Variants in ARHGAP6 observed in about 807,000 individuals in gnomAD.
The protein encoded by ARHGAP6 is rho GTPase-activating protein 6.
In ARHGAP6, 16 loss-of-function variants were observed where a neutral mutation model predicts 55.7. That is an observed-to-expected ratio of 0.29 (90% CI 0.19 to 0.44). ARHGAP6 has a LOEUF of 0.44. Ranked by LOEUF, ARHGAP6 falls within the 20% of genes least tolerant of loss-of-function variation. ARHGAP6 has a pLI of 1.00. For synonymous variants in ARHGAP6, 382 were observed against 360.9 expected (o/e 1.06, Z -0.66); for missense variants, 698 against 808.9 (o/e 0.86, Z 1.66).
At chrX:11,148,088 C>T (rs1284800715) in intron 10 of ARHGAP6, among the ~76,000 whole-genome samples, 1 of 111,514 alleles carries the variant, frequency 9.0e-6, no homozygotes, top group African/African-American at 3.3e-5. Context: ...TAGTGATTTT[C>T]CACAGGACAC....
At chrX:11,598,432 T>C (rs1474712804) in intron 1 of ARHGAP6, among the ~76,000 whole-genome samples, 1 of 112,240 alleles carries the variant, frequency 8.9e-6, no homozygotes, top group Non-Finnish European at 1.9e-5. Flanking sequence ...AGGCTTGCTA[T>C]GTGGGTATAT....
chrX:11,529,453 G>T (rs59161905), intron 1 of ARHGAP6, among the ~76,000 whole-genome samples: 2 of 111,610 alleles, frequency 1.8e-5, no homozygotes, highest in Non-Finnish European at 3.8e-5. Flanking sequence ...TAAAAATTAG[G>T]TTCAATAGAT....
At chrX:11,413,015 G>A (rs1302773560) in intron 1 of ARHGAP6, among the ~76,000 whole-genome samples, 1 of 112,258 alleles carries the variant, frequency 8.9e-6, no homozygotes, top group Non-Finnish European at 1.9e-5. Flanking sequence ...AGTCTAGGAT[G>A]CTGTGGCTCT....
intron 6 of ARHGAP6, among the ~76,000 whole-genome samples, chrX:11,180,489 C>T (rs183772392): frequency 1.1e-4 from 12 of 110,488 alleles, no homozygotes; most frequent in Admixed American, 4.9e-4. Flanking sequence ...AGCAGGTAAT[C>T]CCACAAATAA....
intron 1 of ARHGAP6, chrX:11,296,861 T>C (rs1603035101): frequency 1.7e-6 from 2 of 1,183,516 alleles, no homozygotes; most frequent in Non-Finnish European, 2.3e-6. Flanking sequence ...GACCATTGTT[T>C]GCGTTAACAA....
chrX:11,581,049 A>T (rs1226083293), intron 1 of ARHGAP6, among the ~76,000 whole-genome samples: 1 of 112,322 alleles, frequency 8.9e-6, no homozygotes, highest in Non-Finnish European at 1.9e-5. Context: ...ACAGCGATTA[A>T]TAGCTCAATA....
intron 1 of ARHGAP6, among the ~76,000 whole-genome samples, chrX:11,296,213 T>G (rs763630956): frequency 2.6e-4 from 29 of 112,479 alleles, no homozygotes; most frequent in African/African-American, 9.0e-4. Flanking sequence ...CTTCTTTTGT[T>G]GTATGGAAGT....
chrX:11,567,003 G>A (rs1472156642), intron 1 of ARHGAP6, among the ~76,000 whole-genome samples: 1 of 111,751 alleles, frequency 8.9e-6, no homozygotes, highest in Non-Finnish European at 1.9e-5. Context: ...AAATAACAAT[G>A]CCCACATCAT....
rs951058337 is a variant in ARHGAP6 at position 11,139,283 on chromosome X, G to A, written c.2505C>T (p.Ala835=). The A allele has an allele frequency of 1.3e-5, 15 of 1,188,627 alleles. No homozygotes were observed. Among genetic ancestry groups the A allele is most frequent in the Non-Finnish European group, 1.7e-5 (15 of 884,999 alleles). ...QVAGKAERPT[A]RSEQYLTLSG... ...TCAGGGTCAAGTACTGCTCCGACCT[G>A]GCCGTGGGCCGCTCGGCTTTCCCTG... The change falls in exon 13 of 13, where the codon GCC becomes GCT. Residue 835 remains alanine (A), a synonymous_variant. Coordinates refer to ENST00000337414, the MANE Select transcript of ARHGAP6 (RefSeq NM_013427.3).
At chrX:11,550,057 T>C (rs1026148025) in intron 1 of ARHGAP6, among the ~76,000 whole-genome samples, 1 of 112,046 alleles carries the variant, frequency 8.9e-6, no homozygotes, top group Non-Finnish European at 1.9e-5. Context: ...GTAAAAAACA[T>C]TGGCCTTCTG....
At chrX:11,260,833 A>G (rs964916191) in intron 1 of ARHGAP6, among the ~76,000 whole-genome samples, 1 of 111,899 alleles carries the variant, frequency 8.9e-6, no homozygotes, top group Admixed American at 9.5e-5. Context: ...CCAACCCCTG[A>G]TATGGAGATT....
At chrX:11,523,558 T>A (rs1467280400) in intron 1 of ARHGAP6, among the ~76,000 whole-genome samples, 1 of 111,934 alleles carries the variant, frequency 8.9e-6, no homozygotes, top group African/African-American at 3.2e-5. Flanking sequence ...AAAATCAATG[T>A]GAGAATCAAT....
intron 5 of ARHGAP6, among the ~76,000 whole-genome samples, chrX:11,183,969 G>A (rs1281757345): frequency 9.0e-6 from 1 of 111,501 alleles, no homozygotes; most frequent in East Asian, 2.8e-4. Flanking sequence ...CTTCATTTGA[G>A]ACAATCAGTT....
chrX:11,460,463 C>T, intron 1 of ARHGAP6, among the ~76,000 whole-genome samples: 1 of 111,302 alleles, frequency 9.0e-6, no homozygotes, highest in East Asian at 2.8e-4. Flanking sequence ...AGTGCAGGAT[C>T]CAGTTAGGTG....
chrX:11,560,142 A>G (rs2051370351), intron 1 of ARHGAP6, among the ~76,000 whole-genome samples: 1 of 110,840 alleles, frequency 9.0e-6, no homozygotes, highest in Non-Finnish European at 1.9e-5. Flanking sequence ...AGTGCAATCA[A>G]AAAGACGGGT....
At chrX:11,625,297 G>A (rs1045263082) in intron 1 of ARHGAP6, among the ~76,000 whole-genome samples, 5 of 103,655 alleles carry the variant, frequency 4.8e-5, no homozygotes, top group African/African-American at 1.7e-4. Context: ...GTGTGTGTGT[G>A]TGTGTGTGTG....
At chrX:11,585,820 A>G (rs2051726752) in intron 1 of ARHGAP6, among the ~76,000 whole-genome samples, 1 of 112,015 alleles carries the variant, frequency 8.9e-6, no homozygotes, top group South Asian at 3.7e-4. Context: ...TACAGGAAGC[A>G]TAGCTGAGGA....
chrX:11,273,917 T>C (rs2047722579), intron 1 of ARHGAP6, among the ~76,000 whole-genome samples: 2 of 111,704 alleles, frequency 1.8e-5, no homozygotes, highest in Non-Finnish European at 3.8e-5. Flanking sequence ...GTTTTAATCA[T>C]TAAACAATCT....
chrX:11,603,451 T>G (rs2052000478), intron 1 of ARHGAP6, among the ~76,000 whole-genome samples: 1 of 112,087 alleles, frequency 8.9e-6, no homozygotes. Flanking sequence ...GATTGCTGCT[T>G]TGACTTACAA....
Sources: allele counts gnomAD v4.1 joint callset (sites outside exome capture counted in the v4.1 genomes callset), GRCh38; gene constraint gnomAD v4.1.1; transcripts MANE v1.5; gene names NCBI Gene and HGNC (gene_info 2026-07-23, HGNC 2026-07-21).